The following ZNF831 variants were observed in gnomAD, a reference collection of about 807,000 sequenced individuals.
ZNF831 encodes chromosome 20 open reading frame 174.
In ZNF831, 59 loss-of-function variants were observed where a neutral mutation model predicts 95.8. The observed-to-expected ratio is 0.62, with a 90% CI of 0.50 to 0.77. The LOEUF (loss-of-function observed/expected upper bound fraction) is 0.77, where lower values mean the gene tolerates loss of function less well. ZNF831 is among the 30% of genes least tolerant of loss of function. The probability of loss-of-function intolerance (pLI) is 0.00; values close to 1 mark genes in which losing one functional copy is unlikely to be tolerated. For missense variants in ZNF831, 2,205 were observed against 2,164.0 expected (o/e 1.02, Z -0.38); for synonymous variants, 961 against 925.5 (o/e 1.04, Z -0.70).
At chr20:59,137,033 T>A (rs1156318871) in intron 1 of ZNF831, among the ~76,000 whole-genome samples, 2 of 152,182 alleles carry the variant, frequency 1.3e-5, no homozygotes, top group Admixed American at 1.3e-4. Flanking sequence ...GCAAGGGCAT[T>A]TGTTAGGGAG....
chr20:59,207,214 A>G (rs1336530951), intron 4 of ZNF831, among the ~76,000 whole-genome samples, 158 bp downstream of exon 4: 1 of 152,216 alleles, frequency 6.6e-6, no homozygotes, highest in African/African-American at 2.4e-5. Context: ...CTATGAGACA[A>G]TCAAAGTGAC....
chr20:59,197,404 T>A (rs183514734), intron 3 of ZNF831, among the ~76,000 whole-genome samples: 1 of 152,270 alleles, frequency 6.6e-6, no homozygotes, highest in Admixed American at 6.5e-5. Context: ...AGAGCTTAGA[T>A]AACCTACCCA....
rs541763402 is a variant in ZNF831 at position 59,191,314 on chromosome 20, G to A, written c.295G>A (p.Gly99Arg). 2.4e-5 allele frequency: 38 copies of A among 1,596,818 alleles called. No individual in the cohort carries two copies. The Admixed American group carries it at 5.5e-4, about 23-fold the overall frequency. ...ACTCAGCCCTGTGCTGCAGCCTGAAGGGCCTGGCCCCACCCAGGTGGGGAA... is the reference window on the plus strand; with the variant it reads ...ACTCAGCCCTGTGCTGCAGCCTGAAAGGCCTGGCCCCACCCAGGTGGGGAA... ...FILSPVLQPE[G>R]PGPTQVGKPA... Residue 99 changes from glycine (G) to arginine (R), a missense_variant, in exon 2 of 6, where the codon GGG becomes AGG. Gly to Arg is a moderately radical substitution (Grantham distance 125). Coordinates refer to ENST00000371030, the MANE Select transcript of ZNF831 (RefSeq NM_178457.3).
upstream of ZNF831, among the ~76,000 whole-genome samples, chr20:59,162,562 CT>C (rs1343902642): frequency 2.6e-5 from 4 of 152,096 alleles, no homozygotes; most frequent in African/African-American, 7.2e-5. Flanking sequence ...CTTTCTTTCA[CT>C]GTTTATTTTT....
chr20:59,204,453 C>G (rs1984742161), intron 3 of ZNF831, among the ~76,000 whole-genome samples: 1 of 152,188 alleles, frequency 6.6e-6, no homozygotes, highest in African/African-American at 2.4e-5. Context: ...AGCCCCAGAG[C>G]TTTGACAGCA....
rs1001728496 is a variant in ZNF831 at position 59,194,401 on chromosome 20, C to T, written c.3382C>T (p.Leu1128Phe). The change falls in exon 2 of 6, where the codon CTC becomes TTC. Residue 1128 changes from leucine to phenylalanine, a missense_variant. Physicochemically the swap from Leu to Phe is conservative, Grantham distance 22. Coordinates refer to ENST00000371030, the MANE Select transcript of ZNF831 (RefSeq NM_178457.3). ...GGTGGGCCCCGACCCGTGTTCCCCC[C>T]TCCAGCCTGGCTCCTTCCTCACTGC... The part of the protein sequence containing the change: ...PLVGPDPCSP[L>F]QPGSFLTALT... The T allele has an allele frequency of 1.2e-6, 2 of 1,609,984 alleles. No homozygotes were observed. Among genetic ancestry groups the T allele is most frequent in the African/African-American group, 1.3e-5 (1 of 74,886 alleles).
chr20:59,242,897 G>C (rs1042175288), intron 4 of ZNF831, among the ~76,000 whole-genome samples: 1 of 152,170 alleles, frequency 6.6e-6, no homozygotes, highest in African/African-American at 2.4e-5. Context: ...TCTCAAAGCA[G>C]ATGAAGCGCC....
At chr20:59,196,204 C>A (rs1417100494) in intron 3 of ZNF831, among the ~76,000 whole-genome samples, 199 bp downstream of exon 3, 1 of 152,154 alleles carries the variant, frequency 6.6e-6, no homozygotes, top group Admixed American at 6.5e-5. Flanking sequence ...TTTCTAAGGC[C>A]AGGAATCCAG....
At chr20:59,187,410 G>C (rs1240540523) in intron 1 of ZNF831, among the ~76,000 whole-genome samples, 1 of 152,114 alleles carries the variant, frequency 6.6e-6, no homozygotes, top group African/African-American at 2.4e-5. Flanking sequence ...CGGCCATCTA[G>C]GTACCAGGAT....
chr20:59,193,120 G>A lies in ZNF831; in HGVS notation c.2101G>A (p.Ala701Thr), dbSNP rs765181998. 7.0e-5 allele frequency: 111 copies of A among 1,585,910 alleles called. No individual in the cohort carries two copies. Among genetic ancestry groups the A allele is most frequent in the Middle Eastern group, 5.0e-4 (3 of 6,044 alleles). ...EPWGNPPALEASLVTEPTKHG... is the reference protein window; with the variant it reads ...EPWGNPPALETSLVTEPTKHG... The stretch of plus-strand genomic sequence containing the variant: ...TTGGGGAAATCCACCAGCCCTGGAG[G>A]CCTCCTTGGTGACTGAACCCACTAA... The change falls in exon 2 of 6, where the codon GCC becomes ACC. Residue 701 changes from alanine to threonine, a missense_variant. Coordinates refer to ENST00000371030, the MANE Select transcript of ZNF831 (RefSeq NM_178457.3).
intron 1 of ZNF831, among the ~76,000 whole-genome samples, chr20:59,170,760 G>A (rs6026748): frequency 0.14 from 20,920 of 152,192 alleles, 1,578 homozygotes; most frequent in African/African-American, 0.19. Context: ...AAGGACACAC[G>A]TGGAAGGAGT....
At chr20:59,212,456 A>G (rs970519649) in intron 4 of ZNF831, among the ~76,000 whole-genome samples, 1 of 152,196 alleles carries the variant, frequency 6.6e-6, no homozygotes, top group African/African-American at 2.4e-5. Context: ...TAGTGGGTGC[A>G]GGAAACTTGA....
intron 1 of ZNF831, among the ~76,000 whole-genome samples, chr20:59,186,578 G>C (rs1456874579): frequency 6.6e-6 from 1 of 152,202 alleles, no homozygotes; most frequent in Non-Finnish European, 1.5e-5. Context: ...CCTCTAGCAA[G>C]ATGGTTAAGC....
chr20:59,241,637 TAA>T (rs531700242), intron 4 of ZNF831, among the ~76,000 whole-genome samples: 192 of 152,370 alleles, frequency 1.3e-3, no homozygotes, highest in African/African-American at 4.4e-3. Context: ...TGAAAGTTTT[TAA>T]AGAGTATTTT....
rs557857460 is a variant in ZNF831 at position 59,258,744 on chromosome 20, C to A, written c.*4001C>A. 16 of 152,276 alleles carry A rather than the reference C, an allele frequency of 1.1e-4. No individual in the cohort carries two copies. Among genetic ancestry groups the A allele is most frequent in the African/African-American group, 3.1e-4 (13 of 41,558 alleles). 9.4% of individuals were successfully genotyped at this position (152,276 alleles called of 1,614,324 possible). ...AATTTATTGTCCTTATTTTTCAGAACCCATTAAATATAAGGGTCAGAACCT... is the reference window on the plus strand; with the variant it reads ...AATTTATTGTCCTTATTTTTCAGAAACCATTAAATATAAGGGTCAGAACCT... On this transcript the variant is annotated 3_prime_UTR_variant, in exon 6 of 6. Coordinates refer to ENST00000371030, the MANE Select transcript of ZNF831 (RefSeq NM_178457.3).
intron 4 of ZNF831, among the ~76,000 whole-genome samples, chr20:59,240,533 G>A (rs1214835881): frequency 6.6e-6 from 1 of 152,150 alleles, no homozygotes; most frequent in African/African-American, 2.4e-5. Context: ...CGGGCGCGGT[G>A]GCTCACTCCT....
At chr20:59,219,747 A>G (rs930799903) in intron 4 of ZNF831, among the ~76,000 whole-genome samples, 3 of 152,194 alleles carry the variant, frequency 2.0e-5, no homozygotes, top group African/African-American at 7.2e-5. Context: ...CTGGGAATGG[A>G]GCACTTAACT....
rs1419915382 is a variant in ZNF831 at position 59,254,010 on chromosome 20, C to T, written c.4301C>T (p.Pro1434Leu). Reference sequence around the variant, plus strand: ...TGCCTGGCAGTGGTTAATGACGTGCCTCTACCCCCTGGCAAAGGTCTTGAC... The same window carrying T: ...TGCCTGGCAGTGGTTAATGACGTGCTTCTACCCCCTGGCAAAGGTCTTGAC... ...DTCLAVVNDV[P>L]LPPGKGLDLG... The change falls in exon 6 of 6, where the codon CCT becomes CTT. Residue 1434 changes from proline (P) to leucine (L), a missense_variant. Transcript: ENST00000371030. The surrounding 1 kb of genome is among the most constrained non-coding windows in gnomAD (Gnocchi z 4.5). 1.9e-6 allele frequency: 3 copies of T among 1,613,954 alleles called. No homozygotes were observed. The highest frequency in any genetic ancestry group is 2.5e-6 in the Non-Finnish European group (3 of 1,180,032).
At chr20:59,176,038 G>A in intron 1 of ZNF831, among the ~76,000 whole-genome samples, 1 of 152,210 alleles carries the variant, frequency 6.6e-6, no homozygotes, top group Non-Finnish European at 1.5e-5. Context: ...ACATTTCCCT[G>A]TCTGGAAGAG....
Sources: allele counts gnomAD v4.1 joint callset (sites outside exome capture counted in the v4.1 genomes callset), GRCh38; gene constraint gnomAD v4.1.1; non-coding constraint Gnocchi (gnomAD v3.1); transcripts MANE v1.5; gene names NCBI Gene and HGNC (gene_info 2026-07-23, HGNC 2026-07-21).